MED13: variants seen among roughly 807,000 people sequenced by gnomAD.
The protein encoded by MED13 is mediator of RNA polymerase II transcription subunit 13.
MED13 carries 23 observed loss-of-function variants against 225.2 expected under a neutral mutation model. The ratio of observed to expected loss-of-function variants is 0.10; its 90% CI spans 0.07 to 0.14. The LOEUF is 0.14. Among genes scored for constraint, MED13 ranks in the 10% least tolerant of loss-of-function variants. The pLI, the probability that MED13 is intolerant of heterozygous loss-of-function variation, is 1.00. For synonymous variants in MED13, 942 were observed against 889.2 expected, an observed-to-expected ratio of 1.06 and a Z score of -1.06; for missense variants, 2,197 against 2,594.5, an observed-to-expected ratio of 0.85 and a Z score of 3.33.
intron 8 of MED13, among the ~76,000 whole-genome samples, chr17:62,015,351 A>T (rs2080553009): frequency 6.6e-6 from 1 of 152,192 alleles, no homozygotes; most frequent in East Asian, 1.9e-4. Context: ...CAAATAAAGT[A>T]TTACATATCT....
intron 4 of MED13, among the ~76,000 whole-genome samples, chr17:62,034,226 T>C (rs535694805): frequency 1.0e-3 from 152 of 152,288 alleles, no homozygotes; most frequent in Non-Finnish European, 1.6e-3. Flanking sequence ...GGTTCACGCC[T>C]GTAATCCCAG....
rs77772604 is a variant in MED13, at chr17:61,994,410, C to T, written c.2181+742G>A. 8.3e-3 allele frequency among the ~76,000 whole-genome samples: 1,268 copies of T among 152,200 alleles called. 51 individuals carry two copies. In the East Asian group the frequency reaches 0.13, roughly 15 times the overall value. ...TTTATTCTAATAACTATATATCTTG[C>T]ACTTCATTTTTACTTCTAGGTGCAC... On this transcript the variant is annotated intron_variant, in intron 10 of 29. Coordinates refer to ENST00000397786, the MANE Select transcript of MED13 (RefSeq NM_005121.3).
At chr17:62,009,912 T>C (rs2143583715) in intron 9 of MED13, among the ~76,000 whole-genome samples, 1 of 152,220 alleles carries the variant, frequency 6.6e-6, no homozygotes. Flanking sequence ...TATAAAAACA[T>C]GTACTGAAAT....
intron 12 of MED13, among the ~76,000 whole-genome samples, chr17:61,986,280 G>A (rs1213189937): frequency 1.3e-5 from 2 of 152,070 alleles, no homozygotes; most frequent in Non-Finnish European, 2.9e-5. Flanking sequence ...CACATATAGA[G>A]ATATATATGT....
intron 9 of MED13, among the ~76,000 whole-genome samples, chr17:62,001,927 G>T (rs552324925): frequency 6.6e-6 from 1 of 152,244 alleles, no homozygotes; most frequent in South Asian, 2.1e-4. Flanking sequence ...CCTAAGAAGA[G>T]ATACAAAATG....
rs2080001763 is a variant in MED13 at position 61,961,656 on chromosome 17, T to C, written c.5188A>G (p.Thr1730Ala). The C allele has an allele frequency of 2.5e-6, 4 of 1,613,954 alleles. No homozygotes were observed. In the African/African-American group the frequency reaches 4.0e-5, roughly 16 times the overall value. Residue 1730 changes from threonine to alanine, a missense_variant, in exon 22 of 30, where the codon ACC (threonine) becomes GCC (alanine). Thr to Ala is a moderately conservative substitution (Grantham distance 58). This residue lies in a region of MED13 where 457 missense variants were observed against 442.2 expected (regional missense o/e 1.03). Coordinates refer to ENST00000397786, the MANE Select transcript of MED13 (RefSeq NM_005121.3). ...AAGCCAGTCAATGTTTTCACATTGG[T>C]TGATGTTGGAAGTGGCCTCCGACAC... The part of the protein sequence containing the change: ...TQCRRPLPTS[T>A]NVKTLTGFGP...
chr17:62,011,098 C>A lies in MED13; in HGVS notation c.1419G>T (p.Leu473Phe), dbSNP rs2080504186. ...CAGACACACGATGGTGAAAAGGAGT[C>A]AAGGGGCGTTTCTGTGGCTTTTCAC... ...EKSEKPQKRPLTPFHHRVSVS... is the reference protein window; with the variant it reads ...EKSEKPQKRPFTPFHHRVSVS... Residue 473 changes from leucine (L) to phenylalanine (F), a missense_variant, in exon 9 of 30, where the codon TTG becomes TTT. By Grantham distance (22) the Leu-to-Phe change is conservative. Coordinates refer to ENST00000397786, the MANE Select transcript of MED13 (RefSeq NM_005121.3). 1.2e-6 allele frequency: 2 copies of A among 1,614,166 alleles called. No homozygotes were observed. The highest frequency in any genetic ancestry group is 1.7e-6 in the Non-Finnish European group (2 of 1,180,012).
chr17:62,029,527 G>A lies in MED13; in HGVS notation c.1283+14C>T, dbSNP rs768416695. 63 of 1,599,174 alleles carry A rather than the reference G, an allele frequency of 3.9e-5. No individual in the cohort carries two copies. The highest frequency in any genetic ancestry group is 3.8e-4 in the South Asian group (34 of 90,588). ...TATCACACATAGGCATCAATCGATC[G>A]GGAAATAATCTACCTCAAACAACTG... is the stretch of plus-strand genomic sequence containing the variant. On this transcript the variant is annotated intron_variant, in intron 8 of 29. Coordinates refer to ENST00000397786, the MANE Select transcript of MED13 (RefSeq NM_005121.3).
intron 20 of MED13, 56 bp from the exon 21 acceptor site, chr17:61,963,027 C>T (rs1321881857): frequency 2.0e-6 from 3 of 1,469,216 alleles, no homozygotes; most frequent in Non-Finnish European, 2.8e-6. Context: ...CTTGGGGTAG[C>T]ATCTAAGCAG....
At chr17:61,980,861 G>A (rs1390771693) in intron 16 of MED13, among the ~76,000 whole-genome samples, 2 of 151,720 alleles carry the variant, frequency 1.3e-5, no homozygotes. Context: ...CTCTGCCTTG[G>A]CCTCCTGAGC....
intron 1 of MED13, 60 bp downstream of exon 1, chr17:62,065,080 C>T: frequency 6.9e-7 from 1 of 1,439,288 alleles, no homozygotes; most frequent in East Asian, 2.9e-5. Flanking sequence ...CCCTCCCCCA[C>T]GGCCCAAGGG....
At chr17:61,982,096 A>C (rs1029979643) in intron 16 of MED13, 102 bp downstream of exon 16, 12 of 1,126,296 alleles carry the variant, frequency 1.1e-5, no homozygotes, top group Non-Finnish European at 1.4e-5. Flanking sequence ...GTCCAACTTT[A>C]AATGTATTTG....
chr17:62,030,194 T>C (rs566051683), intron 6 of MED13, 181 bp from the exon 7 acceptor site: 1 of 557,210 alleles, frequency 1.8e-6, no homozygotes, highest in South Asian at 3.3e-5. Flanking sequence ...AATGTGGCAA[T>C]CAAGTACATC....
In MED13 at chr17:62,042,795, G is replaced by C. The variant is rs568059146; in HGVS notation, c.471-7187C>G. On this transcript the variant is annotated intron_variant, in intron 3 of 29. Transcript: ENST00000397786. ...TGCCTAAAATGCAGCTCCAACACTT[G>C]ATAGCTGTATGAGCTTGGACAGATT... 2.0e-5 allele frequency among the ~76,000 whole-genome samples: 3 copies of C among 151,956 alleles called. No homozygotes were observed. The South Asian group carries it at 6.2e-4, about 32-fold the overall frequency.
chr17:62,006,199 G>A (rs1337319870), intron 9 of MED13: 1 of 140,168 alleles, frequency 7.1e-6, no homozygotes, highest in Non-Finnish European at 1.5e-5. Flanking sequence ...AAAAAATCCG[G>A]ACAGAAATGA....
rs189477888 is a variant in MED13 at position 62,060,707 on chromosome 17, T to C, written c.301+2360A>G. ...CATTCACGTTCAAGATCACTATCTA[T>C]TTTTTTTTTTGAGACAGAGTCTCAC... On this transcript the variant is annotated intron_variant, in intron 2 of 29. Coordinates refer to ENST00000397786, the MANE Select transcript of MED13 (RefSeq NM_005121.3). 2.1e-3 allele frequency among the ~76,000 whole-genome samples: 306 copies of C among 146,464 alleles called. 2 individuals are homozygous for C. The highest frequency in any genetic ancestry group is 7.4e-3 in the African/African-American group (297 of 40,308).
chr17:62,037,666 CAA>C (rs964038869), intron 3 of MED13, among the ~76,000 whole-genome samples: 169 of 63,352 alleles, frequency 2.7e-3, no homozygotes, highest in African/African-American at 9.0e-3. Flanking sequence ...GACTCCATCT[CAA>C]AAAAAAAAAA....
chr17:61,997,227 C>T (rs2080354596), intron 9 of MED13, among the ~76,000 whole-genome samples: 1 of 152,164 alleles, frequency 6.6e-6, no homozygotes, highest in Non-Finnish European at 1.5e-5. Flanking sequence ...AAAACAAAAA[C>T]TGATTTCTAA....
At chr17:61,985,185 T>G (rs2080237407) in intron 12 of MED13, 95 bp from the exon 13 acceptor site, 9 of 976,800 alleles carry the variant, frequency 9.2e-6, no homozygotes, top group Non-Finnish European at 1.4e-5. Flanking sequence ...TAAAGCCCAT[T>G]CATTAAAAGT....
Sources: allele counts gnomAD v4.1 joint callset (sites outside exome capture counted in the v4.1 genomes callset), GRCh38; gene constraint gnomAD v4.1.1; regional missense constraint gnomAD v4.1.1; transcripts MANE v1.5; gene names NCBI Gene and HGNC (gene_info 2026-07-23, HGNC 2026-07-21).